The following RPS6KC1 variants were observed in gnomAD, a reference collection of about 807,000 sequenced individuals.
The protein encoded by RPS6KC1 is ribosomal protein S6 kinase C1, also known as inactive ribosomal protein S6 kinase delta-1.
Under a neutral mutation model 103.8 loss-of-function variants are expected in RPS6KC1, and 54 were observed. The observed-to-expected ratio is 0.52, with a 90% confidence interval of 0.42 to 0.65. The LOEUF (loss-of-function observed/expected upper bound fraction) is 0.65. Among genes scored for constraint, RPS6KC1 ranks in the 30% least tolerant of loss-of-function variants. RPS6KC1 has a pLI of 0.00. For missense variants in RPS6KC1, 1,151 were observed against 1,253.8 expected (o/e 0.92, Z 1.24); for synonymous variants, 439 against 438.7 (o/e 1.00, Z -0.01).
the RPS6KC1 span, among the ~76,000 whole-genome samples, chr1:213,363,815 T>TTTCTTTCTTTCTTTCTTCTC: frequency 1.3e-4 from 9 of 69,586 alleles, no homozygotes; most frequent in African/African-American, 8.0e-4. Flanking sequence ...TCTTTCTTTC[T>TTTCTTTCTTTCTTTCTTCTC]TCTCTCTTTT....
At chr1:213,545,603 G>GA in the RPS6KC1 span, among the ~76,000 whole-genome samples, 1 of 151,852 alleles carries the variant, frequency 6.6e-6, no homozygotes, top group Admixed American at 6.5e-5. Context: ...CCACCTTCAT[G>GA]ACCTCATTTT....
chr1:213,585,659 C>A, the RPS6KC1 span, among the ~76,000 whole-genome samples: 1 of 152,170 alleles, frequency 6.6e-6, no homozygotes, highest in African/African-American at 2.4e-5. Flanking sequence ...TGGAGTCCCA[C>A]CTCTATGCTG....
chr1:213,688,224 C>T, the RPS6KC1 span, among the ~76,000 whole-genome samples: 1 of 152,120 alleles, frequency 6.6e-6, no homozygotes, highest in Non-Finnish European at 1.5e-5. Context: ...GGTCTGAGTC[C>T]CCTGTACCCT....
chr1:213,704,407 A>AC, the RPS6KC1 span, among the ~76,000 whole-genome samples: 3 of 151,192 alleles, frequency 2.0e-5, no homozygotes, highest in Admixed American at 1.3e-4. Flanking sequence ...AAAAAAAAAA[A>AC]AAAAACTCTG....
downstream of RPS6KC1, among the ~76,000 whole-genome samples, chr1:213,278,099 G>GGAGGCT (rs1207500009): frequency 1.3e-5 from 2 of 151,978 alleles, no homozygotes; most frequent in Non-Finnish European, 2.9e-5. Flanking sequence ...CAGCTACTTG[G>GGAGGCT]GAGGCTGAGG....
downstream of RPS6KC1, among the ~76,000 whole-genome samples, chr1:213,275,047 T>C (rs1295958555): frequency 1.3e-5 from 2 of 152,246 alleles, no homozygotes; most frequent in Admixed American, 1.3e-4. Flanking sequence ...GTACTTCATA[T>C]AAGCAGAATC....
At chr1:213,438,496 G>C in the RPS6KC1 span, among the ~76,000 whole-genome samples, 1 of 152,134 alleles carries the variant, frequency 6.6e-6, no homozygotes, top group South Asian at 2.1e-4. Context: ...TCAGTTTCAG[G>C]TTTATATGAG....
chr1:213,749,979 A>G, the RPS6KC1 span, among the ~76,000 whole-genome samples: 9 of 152,250 alleles, frequency 5.9e-5, no homozygotes, highest in East Asian at 1.9e-4. Flanking sequence ...AGCTGCTTAG[A>G]CAAAGCCTGA....
chr1:213,433,396 A>G, the RPS6KC1 span, among the ~76,000 whole-genome samples: 1 of 152,232 alleles, frequency 6.6e-6, no homozygotes, highest in African/African-American at 2.4e-5. Flanking sequence ...AAGGTAAAAT[A>G]TTCACAGCTT....
the RPS6KC1 span, among the ~76,000 whole-genome samples, chr1:213,693,714 T>A: frequency 6.6e-6 from 1 of 152,212 alleles, no homozygotes; most frequent in Non-Finnish European, 1.5e-5. Flanking sequence ...GAGGAGGACA[T>A]TGGGAAGAAT....
the RPS6KC1 span, among the ~76,000 whole-genome samples, chr1:213,410,946 G>A: frequency 3.9e-5 from 6 of 152,098 alleles, no homozygotes; most frequent in Admixed American, 1.3e-4. Flanking sequence ...GGTCAGAGTC[G>A]ATGGAATGGA....
chr1:213,679,397 A>G, the RPS6KC1 span, among the ~76,000 whole-genome samples: 1 of 152,202 alleles, frequency 6.6e-6, no homozygotes, highest in African/African-American at 2.4e-5. Context: ...TAAGTGGTGT[A>G]TGTGCATTAT....
chr1:213,220,148 A>G (rs1321358339), intron 8 of RPS6KC1, among the ~76,000 whole-genome samples: 1 of 136,656 alleles, frequency 7.3e-6, no homozygotes, highest in Non-Finnish European at 1.7e-5. Flanking sequence ...TTATGTTTGT[A>G]TTAATCAGGT....
At chr1:213,494,994 A>G in the RPS6KC1 span, among the ~76,000 whole-genome samples, 1 of 150,694 alleles carries the variant, frequency 6.6e-6, no homozygotes, top group Non-Finnish European at 1.5e-5. Context: ...TAAATTTCAG[A>G]AAGTAATGGA....
chr1:213,219,044 G>A (rs868046017), intron 8 of RPS6KC1, among the ~76,000 whole-genome samples: 2 of 152,144 alleles, frequency 1.3e-5, no homozygotes, highest in African/African-American at 2.4e-5. Flanking sequence ...CTTCTGCACA[G>A]CAAAAGAAAC....
chr1:213,336,545 G>A, the RPS6KC1 span, among the ~76,000 whole-genome samples: 6 of 152,150 alleles, frequency 3.9e-5, no homozygotes, highest in South Asian at 6.2e-4. Context: ...TCATTATTTG[G>A]TATGGGGGAA....
chr1:213,134,753 G>A (rs2086073865), intron 6 of RPS6KC1, among the ~76,000 whole-genome samples: 3 of 152,046 alleles, frequency 2.0e-5, no homozygotes, highest in South Asian at 4.1e-4. Flanking sequence ...TATGAAAAAC[G>A]TAGTAAGTTT....
At chr1:213,303,260 C>T in the RPS6KC1 span, among the ~76,000 whole-genome samples, 2 of 152,116 alleles carry the variant, frequency 1.3e-5, no homozygotes, top group South Asian at 2.1e-4. Flanking sequence ...ATAAAGATGT[C>T]CTTGCTTTGT....
the RPS6KC1 span, among the ~76,000 whole-genome samples, chr1:213,482,018 C>T: frequency 4.5e-3 from 686 of 152,258 alleles, 4 homozygotes; most frequent in African/African-American, 0.016. Context: ...CTCCTGTTCT[C>T]ACCATGTGAG....
Sources: gnomAD v4.1 joint callset for allele counts (sites outside exome capture counted in the v4.1 genomes callset) on GRCh38, gnomAD v4.1.1 for gene constraint, MANE v1.5 for transcripts, NCBI Gene and HGNC (gene_info 2026-07-23, HGNC 2026-07-21) for gene names.